The following VPS9D1 variants were observed in gnomAD, a reference collection of about 807,000 sequenced individuals.
The protein encoded by VPS9D1 is VPS9 domain containing 1.
A neutral mutation model predicts 75.8 loss-of-function variants in VPS9D1; 78 were observed. That is an observed-to-expected ratio of 1.03 (90% confidence interval 0.86 to 1.24). The LOEUF is 1.24. VPS9D1 is among the 50% of genes most tolerant of loss of function. The pLI is 0.00. For synonymous variants in VPS9D1, 481 were observed against 385.6 expected (o/e 1.25, Z -2.90); for missense variants, 1,057 against 847.7 (o/e 1.25, Z -3.07).
chr16:89,717,274 A>C (rs2061096662), intron 2 of VPS9D1: 1 of 314,738 alleles, frequency 3.2e-6, no homozygotes, highest in East Asian at 8.8e-5. Context: ...TGGGCCCCTC[A>C]TCGAGGCCCG....
chr16:89,714,149 G>A (rs1567548767), intron 4 of VPS9D1, among the ~76,000 whole-genome samples: 1 of 152,130 alleles, frequency 6.6e-6, no homozygotes, highest in Non-Finnish European at 1.5e-5. Flanking sequence ...TGTTGGCCAG[G>A]CTGATCTCGA....
At chr16:89,709,159 G>A in intron 12 of VPS9D1, 68 bp downstream of exon 12, 2 of 1,599,168 alleles carry the variant, frequency 1.3e-6, no homozygotes, top group Non-Finnish European at 1.7e-6. Flanking sequence ...CAGTGGTGAA[G>A]ACACAGGCTC....
chr16:89,716,652 A>G, intron 3 of VPS9D1, 28 bp from the exon 4 acceptor site: 3 of 1,608,700 alleles, frequency 1.9e-6, no homozygotes, highest in Non-Finnish European at 2.6e-6. Flanking sequence ...CCAGGGGTCA[A>G]GCGGTGGGCC....
At chr16:89,717,389 G>A (rs1032698810) in intron 2 of VPS9D1, 19 of 371,766 alleles carry the variant, frequency 5.1e-5, no homozygotes, top group Admixed American at 2.9e-4. Context: ...CGTGCTGAGG[G>A]GATCGCCTCA....
rs530744785 is a variant in VPS9D1, at chr16:89,712,525, G to A, written c.544-3C>T. 6 of 1,599,016 alleles carry A rather than the reference G, an allele frequency of 3.8e-6. No individual in the cohort carries two copies. In the Admixed American group the frequency reaches 5.1e-5, roughly 14 times the overall value. ...ATCTGCCGCTGTAGAGAGAGGGTCT[G>A]GGGGGGGAGGAGGGAGTAAGGCCGA... On this transcript the variant is annotated splice_polypyrimidine_tract_variant and splice_region_variant and intron_variant, in intron 5 of 14. Transcript: ENST00000389386.
chr16:89,708,338 C>T (rs547870585), intron 14 of VPS9D1, 89 bp downstream of exon 14: 309 of 1,299,982 alleles, frequency 2.4e-4, no homozygotes, highest in Admixed American at 3.9e-4. Flanking sequence ...CTACCCTCCC[C>T]AGCTGCTACT....
intron 14 of VPS9D1, among the ~76,000 whole-genome samples, 157 bp from the exon 15 acceptor site, chr16:89,708,111 C>T (rs2060831851): frequency 6.6e-6 from 1 of 152,214 alleles, no homozygotes; most frequent in African/African-American, 2.4e-5. Context: ...AGGCCTTTCC[C>T]ACCCACTATG....
At chr16:89,717,124 C>T (rs1008049235) in intron 2 of VPS9D1, among the ~76,000 whole-genome samples, 9 of 140,626 alleles carry the variant, frequency 6.4e-5, no homozygotes, top group Admixed American at 2.1e-4. Flanking sequence ...TTCCACCCCC[C>T]ACTGACCCCG....
intron 4 of VPS9D1, among the ~76,000 whole-genome samples, chr16:89,715,187 T>A (rs1448072390): frequency 2.0e-5 from 3 of 151,944 alleles, no homozygotes; most frequent in African/African-American, 7.3e-5. Context: ...GATTTCTACA[T>A]ATATATAGAT....
At chr16:89,719,819 A>C (rs777298400) in intron 1 of VPS9D1, among the ~76,000 whole-genome samples, 1 of 152,152 alleles carries the variant, frequency 6.6e-6, no homozygotes. Flanking sequence ...CCTGGGTTCA[A>C]GTGATTCTCA....
chr16:89,711,590 T>C, intron 8 of VPS9D1, 178 bp from the exon 9 acceptor site: 1 of 558,692 alleles, frequency 1.8e-6, no homozygotes, highest in Non-Finnish European at 3.0e-6. Context: ...AGGGAAACCT[T>C]AGGCGAACCC....
At chr16:89,708,406 C>T (rs1264361865) in intron 14 of VPS9D1, 21 bp downstream of exon 14, 1 of 1,600,698 alleles carries the variant, frequency 6.2e-7, no homozygotes, top group South Asian at 1.1e-5. Context: ...GAGACCCCCA[C>T]CCTGACCCGC....
rs767453077 is a variant in VPS9D1 at position 89,709,809 on chromosome 16, G to A, written c.1356C>T (p.Ser452=). The A allele has an allele frequency of 2.2e-5, 35 of 1,613,700 alleles. No homozygotes were observed. The highest frequency in any genetic ancestry group is 5.0e-5 in the Admixed American group (3 of 59,990). ...CLACIEEPFF[S]PLWPLLLALY... ...GGGCCAGCAGCAGAGGCCACAGCGG[G>A]GAGAAAAAGGGTTCCTCAATGCAGG... Residue 452 remains serine (S), a synonymous_variant, in exon 11 of 15, where the codon TCC becomes TCT. Transcript: ENST00000389386.
chr16:89,709,949 C>T (rs974793920), intron 10 of VPS9D1, 43 bp from the exon 11 acceptor site: 2 of 1,556,080 alleles, frequency 1.3e-6, no homozygotes, highest in African/African-American at 1.4e-5. Context: ...GGCTCCTCCC[C>T]TGCTGGGTCA....
In VPS9D1 at chr16:89,709,323, C is replaced by T; in HGVS notation, c.1501G>A (p.Ala501Thr). 1 of 1,603,104 alleles carries T rather than the reference C, an allele frequency of 6.2e-7. No individual in the cohort carries two copies. ...TAGGGGTAGCCAGTGGCCCCCTTGG[C>T]CTCAGGGTTCTGGGGGAGGAGCTTG... ...PTKLLPQNPE[A>T]KGATGYPYCA... is the part of the protein sequence containing the mutation. The change falls in exon 12 of 15, where the codon GCC becomes ACC. Residue 501 changes from alanine (A) to threonine (T), a missense_variant. By Grantham distance (58) the Ala-to-Thr change is moderately conservative. Coordinates refer to ENST00000389386, the MANE Select transcript of VPS9D1 (RefSeq NM_004913.3).
rs986871832 is a variant in VPS9D1 at position 89,720,798 on chromosome 16, C to A, written c.64G>T (p.Gly22Trp). The A allele has an allele frequency of 3.4e-6, 5 of 1,460,790 alleles. No homozygotes were observed. Among genetic ancestry groups the A allele is most frequent in the East Asian group, 3.1e-5 (1 of 32,226 alleles). 90.5% of individuals were successfully genotyped at this position (1,460,790 alleles called of 1,614,324 possible). ...TTGCCGGTGTCCAGCTCGATGGCCCCGTTGGCAAGCTTCATGGCGCTCTGC... is the reference window on the plus strand; with the variant it reads ...TTGCCGGTGTCCAGCTCGATGGCCCAGTTGGCAAGCTTCATGGCGCTCTGC... ...PLQSAMKLAN[G>W]AIELDTGNRP... The change falls in exon 1 of 15, where the codon GGG (glycine) becomes TGG (tryptophan). Residue 22 changes from glycine to tryptophan, a missense_variant. Gly to Trp is a radical substitution (Grantham distance 184). Coordinates refer to ENST00000389386, the MANE Select transcript of VPS9D1 (RefSeq NM_004913.3).
intron 1 of VPS9D1, among the ~76,000 whole-genome samples, chr16:89,719,804 C>T (rs552901662): frequency 2.0e-5 from 3 of 152,204 alleles, no homozygotes; most frequent in African/African-American, 4.8e-5. Context: ...CTGCAACCTC[C>T]GCCTCCTGGG....
At chr16:89,720,034 T>G (rs2061207436) in intron 1 of VPS9D1, among the ~76,000 whole-genome samples, 2 of 152,236 alleles carry the variant, frequency 1.3e-5, no homozygotes, top group African/African-American at 2.4e-5. Flanking sequence ...TATGTTTTTT[T>G]GTTTTATCCC....
intron 6 of VPS9D1, 115 bp from the exon 7 acceptor site, chr16:89,712,214 T>G: frequency 6.8e-7 from 1 of 1,464,084 alleles, no homozygotes; most frequent in Admixed American, 2.1e-5. Context: ...GGTGAGGGGC[T>G]GTCCCCAGGT....
Sources: gnomAD v4.1 joint callset for allele counts (sites outside exome capture counted in the v4.1 genomes callset) on GRCh38, gnomAD v4.1.1 for gene constraint, MANE v1.5 for transcripts, NCBI Gene and HGNC (gene_info 2026-07-23, HGNC 2026-07-21) for gene names.